The following SRCAP variants were observed in gnomAD, a reference collection of about 807,000 sequenced individuals.
The protein encoded by SRCAP is chromatin remodeling protein SRCAP.
A neutral mutation model predicts 263.1 loss-of-function variants in SRCAP; 46 were observed. That is an observed-to-expected ratio of 0.17 (90% CI 0.14 to 0.22). The LOEUF (loss-of-function observed/expected upper bound fraction) is 0.22. Ranked by LOEUF, SRCAP falls within the 10% of genes least tolerant of loss-of-function variation. The probability of loss-of-function intolerance (pLI) is 1.00; values close to 1 mark genes in which losing one functional copy is unlikely to be tolerated. For missense variants in SRCAP, 3,695 were observed against 4,181.9 expected (o/e 0.88, Z 3.21); for synonymous variants, 1,813 against 1,662.1 (o/e 1.09, Z -2.21).
At position 30,707,514 on chromosome 16, in the gene SRCAP, C is replaced by G. The variant is rs2052840901; in HGVS notation, c.493-58C>G. The G allele has an allele frequency of 2.5e-6, 4 of 1,606,850 alleles. No individual in the cohort carries two copies. The East Asian group carries it at 8.9e-5, about 36-fold the overall frequency. The stretch of plus-strand genomic sequence containing the variant: ...TTCTTGGCCTTGATTATTTTCTTTG[C>G]CTTTGGGTGGGGAAGTCTGGCTTTG... On this transcript the variant is annotated intron_variant, in intron 5 of 33. Transcript: ENST00000262518.
intron 12 of SRCAP, 25 bp from the exon 13 acceptor site, chr16:30,712,237 G>C: frequency 1.9e-6 from 3 of 1,594,836 alleles, no homozygotes; most frequent in Non-Finnish European, 2.6e-6. Flanking sequence ...TTTCCATTGT[G>C]TTACCTATAT....
In SRCAP at chr16:30,739,394, C is replaced by T; in HGVS notation, c.9354C>T (p.Arg3118=). 1 of 1,614,238 alleles carries T rather than the reference C, an allele frequency of 6.2e-7. No individual in the cohort carries two copies. The highest frequency in any genetic ancestry group is 1.3e-5 in the African/African-American group (1 of 75,068). ...PPVVSLTPKL[R]STRLRPGSLV... ...TGGTCTCACTAACCCCAAAACTGCG[C>T]TCGACCCGGCTGCGTCCAGGGTCTC... Residue 3118 remains arginine (R), a synonymous_variant, in exon 34 of 34, where the codon CGC becomes CGT. Transcript: ENST00000262518.
At position 30,739,173 on chromosome 16, in the gene SRCAP, C is replaced by G. The variant is rs2151301224; in HGVS notation, c.9133C>G (p.Gln3045Glu). Reference protein sequence around the residue: ...SCGLGRRRQPQGQGESEGSSS... With the variant: ...SCGLGRRRQPEGQGESEGSSS... The stretch of plus-strand genomic sequence containing the variant: ...TGGATTGGGGAGGCGACGGCAACCC[C>G]AGGGCCAAGGGGAGAGTGAGGGTAG... Residue 3045 changes from glutamine to glutamate, a missense_variant, in exon 34 of 34, where the codon CAG (glutamine) becomes GAG (glutamate). By Grantham distance (29) the Gln-to-Glu change is conservative. This residue lies in a region of SRCAP where 1,207 missense variants were observed against 1,142.9 expected (regional missense o/e 1.06). Coordinates refer to ENST00000262518, the MANE Select transcript of SRCAP (RefSeq NM_006662.3). 6 of 1,614,036 alleles carry G rather than the reference C, an allele frequency of 3.7e-6. No individual in the cohort carries two copies. Among genetic ancestry groups the G allele is most frequent in the Non-Finnish European group, 5.1e-6 (6 of 1,180,026 alleles).
rs768374806 is a variant in SRCAP, at chr16:30,721,457, T to C, written c.3522T>C (p.Asp1174=). 17 of 1,611,134 alleles carry C rather than the reference T, an allele frequency of 1.1e-5. No homozygotes were observed. In the South Asian group the frequency reaches 1.8e-4, roughly 17 times the overall value. ...PAPQRLILSP[D]MQARLPSGEV... ...CACAGCGCCTCATTCTATCTCCCGA[T>C]ATGCAGGCTCGCCTGCCCTGTAAGT... Residue 1174 remains aspartate (D), a synonymous_variant, in exon 21 of 34, where the codon GAT becomes GAC. Coordinates refer to ENST00000262518, the MANE Select transcript of SRCAP (RefSeq NM_006662.3).
chr16:30,735,136 A>ATTTTTTTTTTTTTT (rs10532453), intron 31 of SRCAP, among the ~76,000 whole-genome samples: 2 of 106,500 alleles, frequency 1.9e-5, no homozygotes, highest in African/African-American at 8.8e-5. Context: ...AGTACAAAGC[A>ATTTTTTTTTTTTTT]TTTTTTTTTT....
intron 30 of SRCAP, 161 bp downstream of exon 30, chr16:30,734,169 C>T (rs1381527762): frequency 7.3e-6 from 5 of 682,086 alleles, no homozygotes; most frequent in Non-Finnish European, 1.2e-5. Context: ...ATGATGAAAC[C>T]CTGTCTCTAC....
intron 31 of SRCAP, 80 bp from the exon 32 acceptor site, chr16:30,736,120 A>G: frequency 1.9e-6 from 3 of 1,567,582 alleles, no homozygotes; most frequent in Non-Finnish European, 2.6e-6. Flanking sequence ...GCTTGGTCTC[A>G]AGTTCTTGCC....
At chr16:30,713,099 T>C in intron 14 of SRCAP, 109 bp from the exon 15 acceptor site, 2 of 1,260,082 alleles carry the variant, frequency 1.6e-6, no homozygotes, top group Non-Finnish European at 2.2e-6. Context: ...GCTGGGACTT[T>C]CTCTTTTCTT....
At chr16:30,721,798 G>T (rs1471772910) in intron 21 of SRCAP, among the ~76,000 whole-genome samples, 1 of 152,230 alleles carries the variant, frequency 6.6e-6, no homozygotes, top group East Asian at 1.9e-4. Context: ...ACACATAGAT[G>T]AATAAATAGT....
intron 3 of SRCAP, 24 bp from the exon 4 acceptor site, chr16:30,704,040 C>A: frequency 6.3e-7 from 1 of 1,597,246 alleles, no homozygotes; most frequent in Non-Finnish European, 8.5e-7. Context: ...CATTTATTTT[C>A]TCCATCATTT....
chr16:30,718,373 C>T (rs978305694), intron 18 of SRCAP, among the ~76,000 whole-genome samples: 6 of 151,486 alleles, frequency 4.0e-5, no homozygotes, highest in Admixed American at 2.0e-4. Flanking sequence ...GATGGGGTTT[C>T]GCCATGTTGG....
rs751256422 is a variant in SRCAP at position 30,724,508 on chromosome 16, C to T, written c.5084C>T (p.Ser1695Phe). The change falls in exon 25 of 34, where the codon TCT becomes TTT. Residue 1695 changes from serine to phenylalanine, a missense_variant. Physicochemically the swap from Ser to Phe is radical, Grantham distance 155. Around this residue, in one of 12 missense-constraint regions of SRCAP, gnomAD observed 1,347 missense variants for 1,304.4 expected, o/e 1.03. Coordinates refer to ENST00000262518, the MANE Select transcript of SRCAP (RefSeq NM_006662.3). The stretch of plus-strand genomic sequence containing the variant: ...TTAGCACCCACTCTTGGAGGCTCAT[C>T]TCCATCTCAGACACTCTCTTTGGGA... The part of the protein sequence containing the change: ...PALAPTLGGS[S>F]PSQTLSLGTG... 3.7e-6 allele frequency: 6 copies of T among 1,614,234 alleles called. No individual in the cohort carries two copies. In the Admixed American group the frequency reaches 5.0e-5, roughly 13 times the overall value.
chr16:30,724,902 G>C lies in SRCAP; in HGVS notation c.5478G>C (p.Ser1826=), dbSNP rs754115748. 9.3e-6 allele frequency: 15 copies of C among 1,614,030 alleles called. No homozygotes were observed. In the Admixed American group the frequency reaches 2.0e-4, roughly 22 times the overall value. ...CCCAGGCATCTTCCCTTGTGGTTTC[G>C]GCATCTGGTGCCGCTCCCTTGCCTG... is the stretch of plus-strand genomic sequence containing the variant. The part of the protein sequence containing the change: ...PASQASSLVV[S]ASGAAPLPVT... Residue 1826 remains serine, a synonymous_variant, in exon 25 of 34, where the codon TCG becomes TCC. Transcript: ENST00000262518.
At chr16:30,720,012 T>G in intron 18 of SRCAP, 150 bp from the exon 19 acceptor site, 1 of 811,694 alleles carries the variant, frequency 1.2e-6, no homozygotes, top group Non-Finnish European at 2.0e-6. Context: ...GTACCCAATG[T>G]TTAGCTCCCA....
In SRCAP at chr16:30,709,634, A is replaced by T. The variant is rs754554712; in HGVS notation, c.755A>T (p.Asn252Ile). ...TCGGACCTTCTGTCTCAGAGCCTCA[A>T]CCAGCCATTAACCTCCAGCAAAGCA... Reference protein sequence around the residue: ...KYSDLLSQSLNQPLTSSKAGS... With the variant: ...KYSDLLSQSLIQPLTSSKAGS... The change falls in exon 7 of 34, where the codon AAC becomes ATC. Residue 252 changes from asparagine (N) to isoleucine (I), a missense_variant. This residue lies in a region of SRCAP where 107 missense variants were observed against 223.8 expected (regional missense o/e 0.48). Coordinates refer to ENST00000262518, the MANE Select transcript of SRCAP (RefSeq NM_006662.3). 21 of 1,613,622 alleles carry T rather than the reference A, an allele frequency of 1.3e-5. No individual in the cohort carries two copies. The highest frequency in any genetic ancestry group is 1.5e-5 in the Non-Finnish European group (18 of 1,179,950).
Position 30,713,526 on chromosome 16 carries a change from C to T in SRCAP, c.2308C>T (p.Arg770Cys). ...CTCTCTGTCTCTTTGCAGCCAGAGA[C>T]GCCTGCTCCTGACAGGAACTCCCTT... Reference protein sequence around the residue: ...QSLLNFNSQRRLLLTGTPLQN... With the variant: ...QSLLNFNSQRCLLLTGTPLQN... The change falls in exon 16 of 34, where the codon CGC becomes TGC. Residue 770 changes from arginine to cysteine, a missense_variant. Physicochemically the swap from Arg to Cys is radical, Grantham distance 180. This residue lies in a region of SRCAP where 121 missense variants were observed against 330.7 expected (regional missense o/e 0.37). Coordinates refer to ENST00000262518, the MANE Select transcript of SRCAP (RefSeq NM_006662.3). 6.2e-7 allele frequency: 1 copy of T among 1,614,026 alleles called. No homozygotes were observed. The highest frequency in any genetic ancestry group is 8.5e-7 in the Non-Finnish European group (1 of 1,179,944).
At chr16:30,713,045 C>G (rs1225741000) in intron 14 of SRCAP, among the ~76,000 whole-genome samples, 163 bp from the exon 15 acceptor site, 1 of 152,158 alleles carries the variant, frequency 6.6e-6, no homozygotes, top group African/African-American at 2.4e-5. Flanking sequence ...TAGCTGTGAG[C>G]CACCGCACCC....
At chr16:30,726,840 A>G (rs1373643115) in intron 25 of SRCAP, among the ~76,000 whole-genome samples, 1 of 152,096 alleles carries the variant, frequency 6.6e-6, no homozygotes, top group East Asian at 1.9e-4. Flanking sequence ...GGCTGGGACT[A>G]CAGGCATGGC....
At chr16:30,706,465 A>G (rs75449882) in intron 4 of SRCAP, among the ~76,000 whole-genome samples, 3,462 of 152,154 alleles carry the variant, frequency 0.023, 97 homozygotes, top group African/African-American at 0.071. Context: ...AAAAAGAAAT[A>G]AGGCAGTTGT....
Sources: allele counts gnomAD v4.1 joint callset (sites outside exome capture counted in the v4.1 genomes callset), GRCh38; gene constraint gnomAD v4.1.1; regional missense constraint gnomAD v4.1.1; transcripts MANE v1.5; gene names NCBI Gene and HGNC (gene_info 2026-07-23, HGNC 2026-07-21).